Variants in AGO3 observed in about 807,000 individuals in gnomAD.
The protein encoded by AGO3 is protein argonaute-3.
Under a neutral mutation model 105.5 loss-of-function variants are expected in AGO3, and 16 were observed. The observed-to-expected ratio is 0.15, with a 90% CI of 0.10 to 0.23. The LOEUF is 0.23. AGO3 is among the 10% of genes least tolerant of loss of function. AGO3 has a pLI of 1.00. For missense variants in AGO3, 534 were observed against 1,088.0 expected (o/e 0.49, Z 7.16); for synonymous variants, 340 against 367.3 (o/e 0.93, Z 0.85).
intron 2 of AGO3, among the ~76,000 whole-genome samples, chr1:35,962,422 A>G (rs1646693676): frequency 6.6e-6 from 1 of 151,974 alleles, no homozygotes; most frequent in Non-Finnish European, 1.5e-5. Flanking sequence ...GGGTGCCTGT[A>G]GTCCCAGCTA....
intron 2 of AGO3, among the ~76,000 whole-genome samples, chr1:35,960,909 A>G (rs1335362662): frequency 6.6e-6 from 1 of 151,628 alleles, no homozygotes; most frequent in East Asian, 1.9e-4. Context: ...ATTTACCATG[A>G]TAAAATTTAC....
At chr1:36,039,757 A>C (rs1642171701) in intron 14 of AGO3, 33 bp from the exon 15 acceptor site, 1 of 1,212,932 alleles carries the variant, frequency 8.2e-7, no homozygotes, top group African/African-American at 1.6e-5. Context: ...ATTTTTATTT[A>C]TTTATTTATT....
At position 35,948,670 on chromosome 1, in the gene AGO3, G is replaced by C. The variant is rs576558748; in HGVS notation, c.191+2807G>C. ...TGTGTATATAAAGTTGTGTAGCATAGAATTTCATGTGTATATGCTCAATGT... is the reference window on the plus strand; with the variant it reads ...TGTGTATATAAAGTTGTGTAGCATACAATTTCATGTGTATATGCTCAATGT... On this transcript the variant is annotated intron_variant, in intron 2 of 18. Transcript: ENST00000373191. 2.0e-5 allele frequency among the ~76,000 whole-genome samples: 3 copies of C among 152,268 alleles called. No individual in the cohort carries two copies. The South Asian group carries it at 6.2e-4, about 32-fold the overall frequency.
intron 1 of AGO3, among the ~76,000 whole-genome samples, chr1:35,943,635 G>A (rs1466752460): frequency 1.5e-4 from 18 of 118,788 alleles, no homozygotes; most frequent in African/African-American, 5.3e-4. Context: ...AAAGGGTCTC[G>A]CGCTATCACC....
At chr1:35,997,004 G>T (rs530484951) in intron 5 of AGO3, among the ~76,000 whole-genome samples, 1 of 152,136 alleles carries the variant, frequency 6.6e-6, no homozygotes, top group Non-Finnish European at 1.5e-5. Context: ...GCGGCCAGAC[G>T]CAGTGGCTCT....
intron 11 of AGO3, among the ~76,000 whole-genome samples, chr1:36,015,398 G>A (rs1569793067): frequency 6.6e-6 from 1 of 152,126 alleles, no homozygotes; most frequent in East Asian, 1.9e-4. Context: ...GATTTTTATG[G>A]ATGCTTCATT....
At chr1:35,964,172 TG>T (rs1646731470) in intron 2 of AGO3, among the ~76,000 whole-genome samples, 1 of 152,178 alleles carries the variant, frequency 6.6e-6, no homozygotes, top group East Asian at 1.9e-4. Flanking sequence ...CAGAGGTATA[TG>T]TACAGGTTTG....
intron 2 of AGO3, among the ~76,000 whole-genome samples, chr1:35,952,506 A>G (rs1234290076): frequency 6.6e-6 from 1 of 152,092 alleles, no homozygotes; most frequent in Non-Finnish European, 1.5e-5. Context: ...CTTTTTGCAT[A>G]ATGATTTCAA....
chr1:36,022,238 T>C (rs1348033945), intron 11 of AGO3, among the ~76,000 whole-genome samples: 4 of 152,042 alleles, frequency 2.6e-5, no homozygotes, highest in African/African-American at 9.7e-5. Context: ...CTAACTTTTT[T>C]TCTTTTTTTG....
chr1:36,049,472 T>G (rs1642611035), intron 17 of AGO3, among the ~76,000 whole-genome samples: 1 of 151,038 alleles, frequency 6.6e-6, no homozygotes, highest in South Asian at 2.1e-4. Flanking sequence ...GAGCCGAGAT[T>G]GCGCCACTGC....
At position 36,063,979 on chromosome 1, in the gene AGO3, C is replaced by G. The variant is rs1322534370; in HGVS notation, c.*8234C>G. ...CAGGCTGGTCTTGAACTCCTAAGCT[C>G]AAGTGCTTCTCCCACATCAGCCTCC... On this transcript the variant is annotated 3_prime_UTR_variant, in exon 19 of 19. Coordinates refer to ENST00000373191, the MANE Select transcript of AGO3 (RefSeq NM_024852.4). 1 of 152,252 alleles carries G rather than the reference C, an allele frequency of 6.6e-6. No homozygotes were observed. Among genetic ancestry groups the G allele is most frequent in the African/African-American group, 2.4e-5 (1 of 41,434 alleles). 9.4% of individuals were successfully genotyped at this position (152,252 alleles called of 1,614,324 possible). A position where few individuals can be genotyped will look rare whatever the true frequency, so the allele number is the denominator to read the frequency against.
At chr1:36,048,394 A>G (rs1642564184) in intron 17 of AGO3, among the ~76,000 whole-genome samples, 1 of 152,208 alleles carries the variant, frequency 6.6e-6, no homozygotes, top group Non-Finnish European at 1.5e-5. Context: ...AACTGAGGAC[A>G]TTTATCACCA....
chr1:35,931,046 A>G (rs1032255167), upstream of AGO3: 23 of 379,834 alleles, frequency 6.1e-5, no homozygotes, highest in Non-Finnish European at 9.8e-5. Flanking sequence ...CGAGGCGAGG[A>G]CGCCGGGCAA....
At chr1:36,017,152 C>CAA (rs1640948101) in intron 11 of AGO3, among the ~76,000 whole-genome samples, 1 of 152,132 alleles carries the variant, frequency 6.6e-6, no homozygotes, top group African/African-American at 2.4e-5. Flanking sequence ...TGGCCATATG[C>CAA]AAACACTTAA....
chr1:35,998,169 A>G (rs1251356758), intron 5 of AGO3, among the ~76,000 whole-genome samples: 1 of 152,144 alleles, frequency 6.6e-6, no homozygotes, highest in Non-Finnish European at 1.5e-5. Flanking sequence ...AGTTATCTAG[A>G]TACATTTTCC....
chr1:36,050,775 G>GA (rs1186359615), intron 17 of AGO3, among the ~76,000 whole-genome samples: 1 of 147,152 alleles, frequency 6.8e-6, no homozygotes, highest in Non-Finnish European at 1.5e-5. Context: ...CTGGGTGACT[G>GA]AGTGGGACTC....
Position 36,068,367 on chromosome 1 carries a change from T to C in AGO3, c.*12622T>C, listed in dbSNP as rs1643120849. 1 of 152,190 alleles carries C rather than the reference T, an allele frequency of 6.6e-6. No individual in the cohort carries two copies. Among genetic ancestry groups the C allele is most frequent in the Admixed American group, 6.5e-5 (1 of 15,286 alleles). 9.4% of individuals were successfully genotyped at this position (152,190 alleles called of 1,614,324 possible). On this transcript the variant is annotated 3_prime_UTR_variant, in exon 19 of 19. Transcript: ENST00000373191. ...ATGATGTATTATGGCACAGTGATAATATTATTGTTGATATTAGCCAGATGT... is the reference window on the plus strand; with the variant it reads ...ATGATGTATTATGGCACAGTGATAACATTATTGTTGATATTAGCCAGATGT...
At chr1:36,016,723 C>T (rs1221583397) in intron 11 of AGO3, among the ~76,000 whole-genome samples, 1 of 152,088 alleles carries the variant, frequency 6.6e-6, no homozygotes, top group African/African-American at 2.4e-5. Flanking sequence ...CTTCAGGTTA[C>T]TTTTTCCTAA....
chr1:36,056,731 TTTTTC>T lies in AGO3; in HGVS notation c.*995_*999del, dbSNP rs1642927274. The T allele has an allele frequency of 6.6e-6, 1 of 151,478 alleles. No homozygotes were observed. Among genetic ancestry groups the T allele is most frequent in the Non-Finnish European group, 1.5e-5 (1 of 67,898 alleles). The allele number at this position is 151,478 out of a possible 1,614,324, so 9.4% of individuals were successfully genotyped here. ...CCTGAACTATTCTTTTTCTTTTTTCTTTTTCTTTTCTTTCTTTTTTTTTTTTAATG... is the reference window on the plus strand; with the variant it reads ...CCTGAACTATTCTTTTTCTTTTTTCTTTTTCTTTCTTTTTTTTTTTTAATG... On this transcript the variant is annotated 3_prime_UTR_variant, in exon 19 of 19. Transcript: ENST00000373191.
Sources: allele counts gnomAD v4.1 joint callset (sites outside exome capture counted in the v4.1 genomes callset), GRCh38; gene constraint gnomAD v4.1.1; transcripts MANE v1.5; gene names NCBI Gene and HGNC (gene_info 2026-07-23, HGNC 2026-07-21).